Variants in PLCB1 observed in about 807,000 individuals in gnomAD.
PLCB1 encodes the protein phospholipase C beta 1, also known as 1-phosphatidylinositol 4,5-bisphosphate phosphodiesterase beta-1.
PLCB1 carries 46 observed loss-of-function variants against 161.8 expected under a neutral mutation model. The observed-to-expected ratio is 0.28, with a 90% CI of 0.22 to 0.36. PLCB1 has a LOEUF of 0.36. PLCB1 is among the 10% of genes least tolerant of loss of function. The probability of loss-of-function intolerance (pLI) is 1.00; values close to 1 mark genes in which losing one functional copy is unlikely to be tolerated. For missense variants in PLCB1, 1,016 were observed against 1,472.5 expected, an observed-to-expected ratio of 0.69 and a Z score of 5.07; for synonymous variants, 517 against 503.7, an observed-to-expected ratio of 1.03 and a Z score of -0.35.
chr20:8,797,567 CTTCTA>C (rs1333312272), intron 31 of PLCB1, among the ~76,000 whole-genome samples: 2 of 152,064 alleles, frequency 1.3e-5, no homozygotes, highest in African/African-American at 2.4e-5. Flanking sequence ...TTTGTTTAAA[CTTCTA>C]TTCTATGCAT....
At chr20:8,872,613 C>T (rs1243695881) in intron 31 of PLCB1, among the ~76,000 whole-genome samples, 1 of 152,106 alleles carries the variant, frequency 6.6e-6, no homozygotes, top group African/African-American at 2.4e-5. Context: ...AGTTTCTGAA[C>T]AGTTTTTGCT....
intron 1 of PLCB1, among the ~76,000 whole-genome samples, chr20:8,139,749 G>T (rs1338943970): frequency 6.6e-6 from 1 of 152,186 alleles, no homozygotes; most frequent in African/African-American, 2.4e-5. Context: ...TGCCAATCAT[G>T]ATCCTCCCCA....
intron 11 of PLCB1, among the ~76,000 whole-genome samples, chr20:8,699,340 G>A (rs977646661): frequency 6.6e-6 from 1 of 152,180 alleles, no homozygotes; most frequent in African/African-American, 2.4e-5. Flanking sequence ...AATATGGGAT[G>A]AATTCAATGT....
intron 1 of PLCB1, among the ~76,000 whole-genome samples, chr20:8,133,783 G>A (rs971994537): frequency 6.6e-6 from 1 of 152,178 alleles, no homozygotes; most frequent in African/African-American, 2.4e-5. Flanking sequence ...AAGTCCAAAT[G>A]ACTAATACAT....
chr20:8,644,430 A>G (rs1989078828), intron 4 of PLCB1, among the ~76,000 whole-genome samples: 1 of 144,102 alleles, frequency 6.9e-6, no homozygotes, highest in Admixed American at 6.9e-5. Flanking sequence ...AGATGTGGGG[A>G]GCGCCTCTGC....
At chr20:8,500,615 C>T (rs1456386410) in intron 3 of PLCB1, among the ~76,000 whole-genome samples, 3 of 152,130 alleles carry the variant, frequency 2.0e-5, no homozygotes, top group African/African-American at 7.2e-5. Context: ...CCTGAGAGTT[C>T]AACTGTGTGC....
At chr20:8,320,202 A>G (rs561092552) in intron 2 of PLCB1, among the ~76,000 whole-genome samples, 2 of 152,238 alleles carry the variant, frequency 1.3e-5, no homozygotes, top group South Asian at 4.1e-4. Flanking sequence ...TTGTTAATAA[A>G]GTGTGTTTTT....
chr20:8,740,390 G>A lies in PLCB1; in HGVS notation c.2355G>A (p.Thr785=), dbSNP rs763065886. 24 of 1,607,442 alleles carry A rather than the reference G, an allele frequency of 1.5e-5. No individual in the cohort carries two copies. The highest frequency in any genetic ancestry group is 1.9e-5 in the Non-Finnish European group (22 of 1,177,954). ...GGAATGAAAGGAACCAGCCTCTGAC[G>A]CTGCCTGCTGTCTTTGTCTACATAG... ...CLRNERNQPL[T]LPAVFVYIEV... Residue 785 remains threonine, a synonymous_variant, in exon 22 of 32, where the codon ACG becomes ACA. Coordinates refer to ENST00000338037, the MANE Select transcript of PLCB1 (RefSeq NM_015192.4).
intron 26 of PLCB1, among the ~76,000 whole-genome samples, chr20:8,770,764 T>A (rs1982636099): frequency 6.6e-6 from 1 of 152,158 alleles, no homozygotes. Context: ...AAGGAGACAA[T>A]CAGATATGCA....
intron 4 of PLCB1, among the ~76,000 whole-genome samples, chr20:8,632,354 A>G (rs914480671): frequency 1.3e-5 from 2 of 151,938 alleles, no homozygotes; most frequent in African/African-American, 2.4e-5. Context: ...GGATTCGTTC[A>G]CTCATTTATT....
At chr20:8,477,333 C>T (rs767150406) in intron 3 of PLCB1, among the ~76,000 whole-genome samples, 4 of 152,142 alleles carry the variant, frequency 2.6e-5, no homozygotes, top group Admixed American at 6.5e-5. Context: ...CCTATCTAAT[C>T]GTTTGGATGT....
intron 3 of PLCB1, among the ~76,000 whole-genome samples, chr20:8,514,455 A>C (rs1984026941): frequency 6.7e-6 from 1 of 150,016 alleles, no homozygotes; most frequent in Admixed American, 6.8e-5. Flanking sequence ...CAAAAAAAAA[A>C]AAAAAAAGGA....
intron 3 of PLCB1, among the ~76,000 whole-genome samples, chr20:8,455,432 C>CTTCTTTTT (rs1555808193): frequency 2.7e-5 from 2 of 74,166 alleles, no homozygotes; most frequent in African/African-American, 1.3e-4. Flanking sequence ...TATTCTTCCT[C>CTTCTTTTT]TTTTTTTTTT....
At chr20:8,691,653 A>G (rs1293059836) in intron 10 of PLCB1, among the ~76,000 whole-genome samples, 1 of 152,204 alleles carries the variant, frequency 6.6e-6, no homozygotes, top group Non-Finnish European at 1.5e-5. Context: ...TTCTTTGAGC[A>G]TCCAAAGGGA....
intron 2 of PLCB1, among the ~76,000 whole-genome samples, chr20:8,285,116 T>C (rs552947302): frequency 6.6e-6 from 1 of 151,274 alleles, no homozygotes; most frequent in African/African-American, 2.4e-5. Context: ...TTTTGTCTCA[T>C]TGTTTATAGA....
chr20:8,425,585 ATATT>A (rs1249411642), intron 3 of PLCB1, among the ~76,000 whole-genome samples: 1 of 152,152 alleles, frequency 6.6e-6, no homozygotes, highest in East Asian at 1.9e-4. Context: ...AAAGGGAAAT[ATATT>A]TATCACCCTT....
At chr20:8,737,831 C>T (rs748930266) in intron 20 of PLCB1, among the ~76,000 whole-genome samples, 2 of 152,156 alleles carry the variant, frequency 1.3e-5, no homozygotes, top group African/African-American at 4.8e-5. Flanking sequence ...AATAGCTATG[C>T]GGAAACTCTC....
chr20:8,863,087 C>G (rs1987309811), intron 31 of PLCB1, among the ~76,000 whole-genome samples: 2 of 152,160 alleles, frequency 1.3e-5, no homozygotes, highest in Non-Finnish European at 2.9e-5. Context: ...ACTGAGCAGG[C>G]AGTTTCAGCC....
chr20:8,411,416 C>A (rs1027024754), intron 3 of PLCB1, among the ~76,000 whole-genome samples: 1 of 152,158 alleles, frequency 6.6e-6, no homozygotes, highest in Admixed American at 6.5e-5. Flanking sequence ...GTATAACTCA[C>A]ATATTCTATT....
Sources: allele counts gnomAD v4.1 joint callset (sites outside exome capture counted in the v4.1 genomes callset), GRCh38; gene constraint gnomAD v4.1.1; transcripts MANE v1.5; gene names NCBI Gene and HGNC (gene_info 2026-07-23, HGNC 2026-07-21).